The following NR2C1 variants were observed in gnomAD, a reference collection of about 807,000 sequenced individuals.
The protein encoded by NR2C1 is TR2 nuclear hormone receptor.
NR2C1 carries 33 observed loss-of-function variants against 74.8 expected under a neutral mutation model. That is an observed-to-expected ratio of 0.44 (90% CI 0.33 to 0.59). NR2C1 has a LOEUF of 0.59. NR2C1 is among the 20% of genes least tolerant of loss of function. The pLI is 0.02. For missense variants in NR2C1, 568 were observed against 715.6 expected (o/e 0.79, Z 2.35); for synonymous variants, 225 against 240.6 (o/e 0.94, Z 0.60).
intron 8 of NR2C1, among the ~76,000 whole-genome samples, chr12:95,050,944 G>A (rs1872918080): frequency 6.6e-6 from 1 of 152,068 alleles, no homozygotes; most frequent in African/African-American, 2.4e-5. Context: ...TGATTGCCTA[G>A]AAAGACAAGT....
intron 3 of NR2C1, among the ~76,000 whole-genome samples, chr12:95,061,499 C>T (rs1005865341): frequency 1.3e-5 from 2 of 152,258 alleles, no homozygotes; most frequent in South Asian, 2.1e-4. Flanking sequence ...TAATGTTATA[C>T]ATTTTTTTGT....
intron 1 of NR2C1, among the ~76,000 whole-genome samples, chr12:95,068,440 A>G (rs972683803): frequency 6.6e-6 from 1 of 152,168 alleles, no homozygotes; most frequent in African/African-American, 2.4e-5. Context: ...TAAACCCAAT[A>G]AGGAACATGC....
At chr12:95,037,712 G>T (rs142615265) in intron 10 of NR2C1, among the ~76,000 whole-genome samples, 1 of 151,992 alleles carries the variant, frequency 6.6e-6, no homozygotes, top group African/African-American at 2.4e-5. Flanking sequence ...TGGCTAACAC[G>T]ATGAAACCCT....
In NR2C1 at chr12:95,049,125, G is replaced by C. The variant is rs1410336688; in HGVS notation, c.1074C>G (p.Ser358Arg). ...GSVHLITGDS[S>R]INYTEKEGPL... ...GCCCCTCTTTTTCGGTGTAATTTATGCTTGAATCTCCAGTGATTAGGTGTA... is the reference window on the plus strand; with the variant it reads ...GCCCCTCTTTTTCGGTGTAATTTATCCTTGAATCTCCAGTGATTAGGTGTA... Residue 358 changes from serine (S) to arginine (R), a missense_variant, in exon 9 of 14, where the codon AGC (serine) becomes AGG (arginine). Ser to Arg is a moderately radical substitution (Grantham distance 110). Coordinates refer to ENST00000333003, the MANE Select transcript of NR2C1 (RefSeq NM_003297.4). The C allele has an allele frequency of 6.2e-7, 1 of 1,613,916 alleles. No individual in the cohort carries two copies. The highest frequency in any genetic ancestry group is 1.1e-5 in the South Asian group (1 of 91,068).
intron 2 of NR2C1, 121 bp downstream of exon 2, chr12:95,067,210 G>T: frequency 1.2e-6 from 1 of 811,098 alleles, no homozygotes. Context: ...TCAGTAGCTT[G>T]AAAAGCTATC....
At chr12:95,057,236 C>G (rs1874055533) in intron 7 of NR2C1, among the ~76,000 whole-genome samples, 1 of 151,002 alleles carries the variant, frequency 6.6e-6, no homozygotes, top group South Asian at 2.1e-4. Context: ...TCCCGAGTAG[C>G]TGGGATTACA....
At chr12:95,061,069 T>G (rs184181922) in intron 3 of NR2C1, among the ~76,000 whole-genome samples, 1 of 152,192 alleles carries the variant, frequency 6.6e-6, no homozygotes, top group Non-Finnish European at 1.5e-5. Context: ...CCCACATTCA[T>G]GAGAAAAACA....
At chr12:95,026,326 CCA>C (rs1365457740) in intron 12 of NR2C1, among the ~76,000 whole-genome samples, 2 of 151,208 alleles carry the variant, frequency 1.3e-5, no homozygotes, top group African/African-American at 2.4e-5. Context: ...AATTATGAAA[CCA>C]CAAATATTAT....
chr12:95,022,074 CAA>C lies in NR2C1; in HGVS notation c.*153_*154del. On this transcript the variant is annotated 3_prime_UTR_variant, in exon 14 of 14. Transcript: ENST00000333003. ...ATTTCTGCTGCCTGCCCAGTCACTT[CAA>C]AAATTCTTAAGGGAAGCTAAAATAA... 3 of 536,956 alleles carry C rather than the reference CAA, an allele frequency of 5.6e-6. No individual in the cohort carries two copies. Among genetic ancestry groups the C allele is most frequent in the Non-Finnish European group, 9.3e-6 (3 of 323,912 alleles). The allele number at this position is 536,956 out of a possible 1,614,324, so 33.3% of individuals were successfully genotyped here.
chr12:95,072,460 A>C (rs1288313139), intron 1 of NR2C1, among the ~76,000 whole-genome samples: 2 of 149,980 alleles, frequency 1.3e-5, no homozygotes, highest in African/African-American at 4.9e-5. Context: ...CCTCTCAAAA[A>C]AAAAAAAAAA....
chr12:95,070,472 C>T (rs1425613282), intron 1 of NR2C1, among the ~76,000 whole-genome samples: 1 of 152,176 alleles, frequency 6.6e-6, no homozygotes, highest in African/African-American at 2.4e-5. Context: ...GAAGGTTAGA[C>T]TGTTTTAACC....
Position 95,051,822 on chromosome 12 carries a change from C to T in NR2C1, c.905G>A (p.Ser302Asn), listed in dbSNP as rs1230924897. The change falls in exon 8 of 14, where the codon AGC becomes AAC. Residue 302 changes from serine (S) to asparagine (N), a missense_variant. Physicochemically the swap from Ser to Asn is conservative, Grantham distance 46. Coordinates refer to ENST00000333003, the MANE Select transcript of NR2C1 (RefSeq NM_003297.4). ...SNEMSMIESL[S>N]NDDTSLCEFQ... ...TTCACACAAAGAGGTATCATCATTGCTTAAGCTTTCAATCATAGACATTTC... is the reference window on the plus strand; with the variant it reads ...TTCACACAAAGAGGTATCATCATTGTTTAAGCTTTCAATCATAGACATTTC... The T allele has an allele frequency of 3.1e-6, 5 of 1,609,716 alleles. No homozygotes were observed. Among genetic ancestry groups the T allele is most frequent in the Non-Finnish European group, 4.2e-6 (5 of 1,179,112 alleles).
intron 2 of NR2C1, chr12:95,067,025 A>T: frequency 2.6e-6 from 1 of 378,218 alleles, no homozygotes; most frequent in East Asian, 5.8e-5. Flanking sequence ...GTACCCTCTA[A>T]AAAGAATTCC....
intron 1 of NR2C1, among the ~76,000 whole-genome samples, chr12:95,072,142 G>C (rs933798415): frequency 6.6e-6 from 1 of 150,964 alleles, no homozygotes; most frequent in Non-Finnish European, 1.5e-5. Flanking sequence ...GGCCGGGCGC[G>C]GTGGCTCACG....
chr12:95,042,932 C>CCA (rs1308218469), intron 9 of NR2C1, among the ~76,000 whole-genome samples: 1 of 65,718 alleles, frequency 1.5e-5, no homozygotes, highest in African/African-American at 6.1e-5. Context: ...CCCATTTCTA[C>CCA]AAAAAAAAAA....
intron 8 of NR2C1, 67 bp from the exon 9 acceptor site, chr12:95,049,300 G>A: frequency 6.7e-7 from 1 of 1,488,170 alleles, no homozygotes; most frequent in Non-Finnish European, 9.1e-7. Context: ...TTCTACATAG[G>A]ATTCTGGAAT....
At chr12:95,025,079 T>TAA in intron 13 of NR2C1, 71 bp downstream of exon 13, 1 of 644,914 alleles carries the variant, frequency 1.6e-6, no homozygotes, top group Non-Finnish European at 2.6e-6. Context: ...GTGAGAGTAG[T>TAA]AATAATGAGA....
intron 7 of NR2C1, among the ~76,000 whole-genome samples, chr12:95,054,162 T>C (rs1873486889): frequency 6.6e-6 from 1 of 152,218 alleles, no homozygotes; most frequent in African/African-American, 2.4e-5. Context: ...TATCATGTTC[T>C]TACATAATTA....
At chr12:95,055,830 G>A (rs1426207963) in intron 7 of NR2C1, among the ~76,000 whole-genome samples, 3 of 151,640 alleles carry the variant, frequency 2.0e-5, no homozygotes, top group Admixed American at 2.0e-4. Flanking sequence ...GCGGGCGCCT[G>A]TAATCCCAGC....
Sources: gnomAD v4.1 joint callset for allele counts (sites outside exome capture counted in the v4.1 genomes callset) on GRCh38, gnomAD v4.1.1 for gene constraint, MANE v1.5 for transcripts, NCBI Gene and HGNC (gene_info 2026-07-23, HGNC 2026-07-21) for gene names.